The following MAPK8IP3 variants were observed in gnomAD, a reference collection of about 807,000 sequenced individuals.
MAPK8IP3 encodes the protein C-Jun-amino-terminal kinase-interacting protein 3.
In MAPK8IP3, 49 loss-of-function variants were observed where a neutral mutation model predicts 157.8. The ratio of observed to expected loss-of-function variants is 0.31; its 90% CI spans 0.25 to 0.39. The LOEUF is 0.39. Among genes scored for constraint, MAPK8IP3 ranks in the 10% least tolerant of loss-of-function variants. The probability of loss-of-function intolerance (pLI) is 1.00; values close to 1 mark genes in which losing one functional copy is unlikely to be tolerated. For synonymous variants in MAPK8IP3, 897 were observed against 777.7 expected (o/e 1.15, Z -2.55); for missense variants, 1,478 against 1,889.4 (o/e 0.78, Z 4.04).
chr16:1,739,700 G>A (rs543768721), intron 4 of MAPK8IP3, among the ~76,000 whole-genome samples: 4 of 131,562 alleles, frequency 3.0e-5, no homozygotes, highest in African/African-American at 9.1e-5. Context: ...GTGAGCTTCC[G>A]TGTGACCGTC....
chr16:1,739,471 ACCGT>A (rs561296309), intron 4 of MAPK8IP3, among the ~76,000 whole-genome samples: 99 of 105,494 alleles, frequency 9.4e-4, no homozygotes, highest in South Asian at 2.1e-3. Context: ...CTTCCGTGTG[ACCGT>A]CCGTGTGAGC....
At position 1,724,408 on chromosome 16, in the gene MAPK8IP3, G is replaced by C. The variant is rs1170747730; in HGVS notation, c.319-149G>C. The C allele has an allele frequency of 2.5e-5, 27 of 1,062,946 alleles. 1 individual carries two copies. The highest frequency in any genetic ancestry group is 3.4e-5 in the Non-Finnish European group (25 of 742,974). 65.8% of individuals were successfully genotyped at this position (1,062,946 alleles called of 1,614,324 possible). A position where few individuals can be genotyped will look rare whatever the true frequency, so the allele number is the denominator to read the frequency against. On this transcript the variant is annotated intron_variant, in intron 1 of 31. Coordinates refer to ENST00000610761, the MANE Select transcript of MAPK8IP3 (RefSeq NM_001318852.2). The surrounding 1 kb of genome is among the most constrained non-coding windows in gnomAD (Gnocchi z 4.1). ...GGTGGCCACAGCCACGTGGCGGGAA[G>C]CCCCCATTCCGGCCTGGCCATGGGC...
intron 1 of MAPK8IP3, among the ~76,000 whole-genome samples, chr16:1,717,086 G>T (rs376239266): frequency 1.4e-3 from 207 of 151,226 alleles, no homozygotes; most frequent in African/African-American, 4.8e-3. Context: ...AAATTAGCCA[G>T]GTGTGGTGGT....
intron 2 of MAPK8IP3, among the ~76,000 whole-genome samples, chr16:1,726,622 G>A (rs1257696684): frequency 6.6e-6 from 1 of 152,176 alleles, no homozygotes; most frequent in Non-Finnish European, 1.5e-5. Context: ...GCTGCAGTAA[G>A]CCTTGATCAC....
At chr16:1,733,569 C>G (rs1259703211) in intron 4 of MAPK8IP3, among the ~76,000 whole-genome samples, 1 of 152,218 alleles carries the variant, frequency 6.6e-6, no homozygotes, top group Non-Finnish European at 1.5e-5. Context: ...GCCCAGGAAC[C>G]TGCTGTCGAG....
At chr16:1,730,644 C>A (rs147856699) in intron 4 of MAPK8IP3, among the ~76,000 whole-genome samples, 1 of 152,074 alleles carries the variant, frequency 6.6e-6, no homozygotes, top group Non-Finnish European at 1.5e-5. Flanking sequence ...GAGATCGAGA[C>A]CATCCTGGCT....
intron 1 of MAPK8IP3, among the ~76,000 whole-genome samples, chr16:1,721,317 A>G (rs1422226403): frequency 2.6e-5 from 4 of 152,012 alleles, no homozygotes; most frequent in Non-Finnish European, 5.9e-5. Context: ...CAAAAAAAAA[A>G]AAAAAAAAAT....
intron 4 of MAPK8IP3, among the ~76,000 whole-genome samples, chr16:1,736,245 CGT>C (rs762708279): frequency 8.7e-4 from 66 of 76,002 alleles, no homozygotes; most frequent in Non-Finnish European, 1.2e-3. Context: ...TCCGTGTGAG[CGT>C]GTGACTGTCC....
intron 4 of MAPK8IP3, among the ~76,000 whole-genome samples, chr16:1,740,471 C>T (rs1466507669): frequency 4.6e-5 from 7 of 152,064 alleles, no homozygotes; most frequent in Non-Finnish European, 8.8e-5. Flanking sequence ...TGCTGACCGT[C>T]CGTGTGAGCA....
chr16:1,717,369 A>G (rs1350899130), intron 1 of MAPK8IP3, among the ~76,000 whole-genome samples: 1 of 152,198 alleles, frequency 6.6e-6, no homozygotes, highest in East Asian at 1.9e-4. Flanking sequence ...AAACATGTCT[A>G]AAAAGGGAAT....
intron 1 of MAPK8IP3, among the ~76,000 whole-genome samples, chr16:1,722,377 C>A (rs1254007911): frequency 1.3e-5 from 2 of 152,146 alleles, no homozygotes; most frequent in Admixed American, 6.6e-5. Context: ...CCAGTGGTTT[C>A]AACACAAAGA....
chr16:1,762,613 G>A, intron 14 of MAPK8IP3, 62 bp from the exon 15 acceptor site: 1 of 1,546,222 alleles, frequency 6.5e-7, no homozygotes. Context: ...GGGAGCCAGA[G>A]AGTCGCAGGT....
chr16:1,747,399 G>A (rs892648286), intron 6 of MAPK8IP3, 124 bp downstream of exon 6: 34 of 1,371,606 alleles, frequency 2.5e-5, no homozygotes, highest in African/African-American at 2.0e-4. Flanking sequence ...CTCACAGCCC[G>A]GAGGCTGGGG....
rs1204999980 is a variant in MAPK8IP3 at position 1,768,187 on chromosome 16, C to G, written c.3563-12C>G. 1 of 1,611,954 alleles carries G rather than the reference C, an allele frequency of 6.2e-7. No individual in the cohort carries two copies. The highest frequency in any genetic ancestry group is 2.2e-5 in the East Asian group (1 of 44,846). On this transcript the variant is annotated splice_polypyrimidine_tract_variant and intron_variant, in intron 29 of 31. Coordinates refer to ENST00000610761, the MANE Select transcript of MAPK8IP3 (RefSeq NM_001318852.2). ...TATGCGGGCTCAGCGCCTCTGGGTT[C>G]TCTCCCTGCAGCCAATAAGACATCC... is the stretch of plus-strand genomic sequence containing the variant.
rs747081085 is a variant in MAPK8IP3 at position 1,766,653 on chromosome 16, G to A, written c.2939+5G>A. 6.2e-7 allele frequency: 1 copy of A among 1,612,422 alleles called. No homozygotes were observed. The highest frequency in any genetic ancestry group is 8.5e-7 in the Non-Finnish European group (1 of 1,179,848). On this transcript the variant is annotated splice_donor_5th_base_variant and intron_variant, in intron 23 of 31. Coordinates refer to ENST00000610761, the MANE Select transcript of MAPK8IP3 (RefSeq NM_001318852.2). Reference sequence around the variant, plus strand: ...GCTGGGAGCCCAGAACGGCTGGTAGGAAGGGCCCGGGGCAAGGTGGAGGGA... The same window carrying A: ...GCTGGGAGCCCAGAACGGCTGGTAGAAAGGGCCCGGGGCAAGGTGGAGGGA...
At chr16:1,749,441 G>C (rs2041166293) in intron 8 of MAPK8IP3, among the ~76,000 whole-genome samples, 1 of 151,756 alleles carries the variant, frequency 6.6e-6, no homozygotes, top group Non-Finnish European at 1.5e-5. Context: ...AGGTTGGGAG[G>C]GTGCCCACTT....
intron 1 of MAPK8IP3, among the ~76,000 whole-genome samples, chr16:1,708,775 C>A (rs1031451839): frequency 3.9e-5 from 6 of 152,086 alleles, no homozygotes; most frequent in Non-Finnish European, 8.8e-5. Context: ...AGCATGGAGG[C>A]TATGATTAAA....
At chr16:1,767,030 C>A in intron 25 of MAPK8IP3, 59 bp downstream of exon 25, 1 of 1,566,992 alleles carries the variant, frequency 6.4e-7, no homozygotes. Context: ...CATTGTTTAG[C>A]CAAGGGGCTC....
chr16:1,740,948 G>A (rs574227539), intron 4 of MAPK8IP3, among the ~76,000 whole-genome samples: 3 of 152,300 alleles, frequency 2.0e-5, no homozygotes, highest in South Asian at 2.1e-4. Flanking sequence ...CGTCCAGGTC[G>A]CCCACACTCT....
Sources: allele counts gnomAD v4.1 joint callset (sites outside exome capture counted in the v4.1 genomes callset), GRCh38; gene constraint gnomAD v4.1.1; non-coding constraint Gnocchi (gnomAD v3.1); transcripts MANE v1.5; gene names NCBI Gene and HGNC (gene_info 2026-07-23, HGNC 2026-07-21).